AATF: variants seen among roughly 807,000 people sequenced by gnomAD.
The protein encoded by AATF is protein AATF.
In AATF, 48 loss-of-function variants were observed where a neutral mutation model predicts 63.7. The observed-to-expected ratio is 0.75, with a 90% CI of 0.60 to 0.96. The LOEUF (loss-of-function observed/expected upper bound fraction) is 0.96. Among genes scored for constraint, AATF ranks in the 40% least tolerant of loss-of-function variants. The pLI is 0.00. For missense variants in AATF, 639 were observed against 685.7 expected (o/e 0.93, Z 0.76); for synonymous variants, 258 against 247.7 (o/e 1.04, Z -0.39).
At chr17:36,973,753 G>A (rs988893837) in intron 4 of AATF, among the ~76,000 whole-genome samples, 1 of 152,126 alleles carries the variant, frequency 6.6e-6, no homozygotes, top group Non-Finnish European at 1.5e-5. Flanking sequence ...AATACAATAT[G>A]TATTCCTTAT....
intron 8 of AATF, among the ~76,000 whole-genome samples, chr17:37,004,695 C>T (rs558239956): frequency 1.3e-5 from 2 of 151,742 alleles, no homozygotes; most frequent in South Asian, 2.1e-4. Context: ...ATGAAGGAGC[C>T]GAGAGTGATA....
rs771095646 is a variant in AATF, at chr17:37,031,664, C to A, written c.1598C>A (p.Thr533Asn). 1 of 1,614,058 alleles carries A rather than the reference C, an allele frequency of 6.2e-7. No homozygotes were observed. The highest frequency in any genetic ancestry group is 8.5e-7 in the Non-Finnish European group (1 of 1,179,930). ...AGTTTCATGGCACCTATTGACCATA[C>A]TACAATGAATGATGATGCCAGGTGA... ...LLSFMAPIDH[T>N]TMNDDARTEL... Residue 533 changes from threonine (T) to asparagine (N), a missense_variant, in exon 11 of 12, where the codon ACT (threonine) becomes AAT (asparagine). By Grantham distance (65) the Thr-to-Asn change is moderately conservative. Coordinates refer to ENST00000619387, the MANE Select transcript of AATF (RefSeq NM_012138.4).
chr17:37,018,054 C>T (rs959399492), intron 8 of AATF, among the ~76,000 whole-genome samples: 5 of 152,298 alleles, frequency 3.3e-5, no homozygotes, highest in African/African-American at 1.2e-4. Context: ...TTTATCTTAG[C>T]GTCTTCTCTT....
chr17:36,990,952 G>A (rs947492349), intron 8 of AATF, 95 bp downstream of exon 8: 6 of 884,310 alleles, frequency 6.8e-6, no homozygotes, highest in Middle Eastern at 2.3e-4. Flanking sequence ...TATTTTGGAA[G>A]GATAGAGTCA....
intron 8 of AATF, among the ~76,000 whole-genome samples, chr17:37,003,758 T>C (rs1279068725): frequency 1.3e-5 from 2 of 149,544 alleles, no homozygotes; most frequent in African/African-American, 4.9e-5. Flanking sequence ...CGAGCCACCA[T>C]GTCTGACCAA....
chr17:37,043,660 A>T (rs78240996), intron 11 of AATF, among the ~76,000 whole-genome samples: 1 of 152,166 alleles, frequency 6.6e-6, no homozygotes. Context: ...TTTAATTTCA[A>T]TTGTAGTATT....
At chr17:37,029,867 A>G (rs1179872387) in intron 10 of AATF, among the ~76,000 whole-genome samples, 1 of 150,392 alleles carries the variant, frequency 6.6e-6, no homozygotes. Flanking sequence ...GTGCCTGGCC[A>G]GTTGTTTTTA....
chr17:37,051,374 T>C (rs1447178201), intron 11 of AATF: 1 of 152,184 alleles, frequency 6.6e-6, no homozygotes, highest in Non-Finnish European at 1.5e-5. Context: ...ACCTAGCAAA[T>C]TGAAAGCCCC....
At chr17:37,040,133 C>CT (rs200627271) in intron 11 of AATF, among the ~76,000 whole-genome samples, 1,934 of 152,030 alleles carry the variant, frequency 0.013, 40 homozygotes, top group African/African-American at 0.044. Context: ...ATTGCAATAT[C>CT]TTACAGATAT....
intron 11 of AATF, among the ~76,000 whole-genome samples, chr17:37,038,595 G>A (rs2071611529): frequency 6.6e-6 from 1 of 152,118 alleles, no homozygotes. Flanking sequence ...AAAAGTGTAG[G>A]TATTGAATTT....
At chr17:37,031,801 A>G (rs1257821018) in intron 11 of AATF, 116 bp downstream of exon 11, 15 of 866,364 alleles carry the variant, frequency 1.7e-5, no homozygotes, top group Non-Finnish European at 1.8e-5. Flanking sequence ...TGTCATTGGC[A>G]TCGCAGTAAG....
At chr17:37,043,806 A>G (rs978537893) in intron 11 of AATF, among the ~76,000 whole-genome samples, 8 of 152,106 alleles carry the variant, frequency 5.3e-5, no homozygotes, top group Admixed American at 3.3e-4. Context: ...TTTATGGGCC[A>G]TGGTTTCTTT....
At chr17:36,974,757 C>T (rs1222181499) in intron 4 of AATF, among the ~76,000 whole-genome samples, 3 of 152,088 alleles carry the variant, frequency 2.0e-5, no homozygotes, top group African/African-American at 7.2e-5. Context: ...TTTTTGCTCC[C>T]TTACATTTAT....
intron 4 of AATF, among the ~76,000 whole-genome samples, chr17:36,976,736 CT>C (rs1280834895): frequency 6.6e-6 from 1 of 152,140 alleles, no homozygotes; most frequent in Admixed American, 6.5e-5. Context: ...TAAACACAAC[CT>C]CTCAAAGTGT....
chr17:37,025,692 G>C (rs1418458878), intron 10 of AATF, among the ~76,000 whole-genome samples: 2 of 152,138 alleles, frequency 1.3e-5, no homozygotes, highest in African/African-American at 4.8e-5. Flanking sequence ...TACTTGAAAG[G>C]CCTCTAGAAT....
intron 2 of AATF, among the ~76,000 whole-genome samples, chr17:36,952,051 A>G (rs2070859411): frequency 6.6e-6 from 1 of 152,224 alleles, no homozygotes; most frequent in South Asian, 2.1e-4. Flanking sequence ...CACTCTGTCT[A>G]CTATAGGATC....
intron 8 of AATF, among the ~76,000 whole-genome samples, chr17:36,999,509 A>G (rs2071278511): frequency 6.6e-6 from 1 of 152,244 alleles, no homozygotes; most frequent in Non-Finnish European, 1.5e-5. Context: ...TGGATAGTGC[A>G]AATGTAGAAC....
At chr17:36,951,891 G>A (rs1448110201) in intron 2 of AATF, among the ~76,000 whole-genome samples, 1 of 152,174 alleles carries the variant, frequency 6.6e-6, no homozygotes, top group Non-Finnish European at 1.5e-5. Flanking sequence ...ATTGAAGAAA[G>A]TTTTTGGAAA....
intron 8 of AATF, among the ~76,000 whole-genome samples, chr17:37,009,420 C>T (rs1438432509): frequency 2.0e-5 from 3 of 151,354 alleles, no homozygotes; most frequent in Admixed American, 6.6e-5. Flanking sequence ...ACTAGGATTA[C>T]AGGTGTGAAC....
Sources: allele counts gnomAD v4.1 joint callset (sites outside exome capture counted in the v4.1 genomes callset), GRCh38; gene constraint gnomAD v4.1.1; transcripts MANE v1.5; gene names NCBI Gene and HGNC (gene_info 2026-07-23, HGNC 2026-07-21).